The following NR6A1 variants were observed in gnomAD, a reference collection of about 807,000 sequenced individuals.
The protein encoded by NR6A1 is nuclear receptor subfamily 6 group A member 1.
A neutral mutation model predicts 59.1 loss-of-function variants in NR6A1; 7 were observed. That is an observed-to-expected ratio of 0.12 (90% confidence interval 0.07 to 0.22). The LOEUF is 0.22. Ranked by LOEUF, NR6A1 falls within the 10% of genes least tolerant of loss-of-function variation. The probability of loss-of-function intolerance (pLI) is 1.00; values close to 1 mark genes in which losing one functional copy is unlikely to be tolerated. For synonymous variants in NR6A1, 243 were observed against 236.1 expected (o/e 1.03, Z -0.27); for missense variants, 468 against 611.6 (o/e 0.77, Z 2.48).
intron 2 of NR6A1, among the ~76,000 whole-genome samples, chr9:124,652,533 A>G (rs1837136383): frequency 6.6e-6 from 1 of 152,194 alleles, no homozygotes. Flanking sequence ...CATGGCTCAT[A>G]GCAGACAACA....
intron 7 of NR6A1, among the ~76,000 whole-genome samples, chr9:124,535,241 A>G (rs116267432): frequency 1.3e-4 from 20 of 152,194 alleles, no homozygotes; most frequent in African/African-American, 4.8e-4. Context: ...GGCAGAATTT[A>G]TATTTTTATT....
At chr9:124,695,540 T>G (rs1374141098) in intron 2 of NR6A1, among the ~76,000 whole-genome samples, 1 of 152,098 alleles carries the variant, frequency 6.6e-6, no homozygotes, top group Admixed American at 6.5e-5. Flanking sequence ...ATTTTTGTGT[T>G]TTTAGAAGAA....
At chr9:124,700,006 G>A (rs1351031899) in intron 2 of NR6A1, among the ~76,000 whole-genome samples, 3 of 151,784 alleles carry the variant, frequency 2.0e-5, no homozygotes, top group Non-Finnish European at 2.9e-5. Context: ...ACAGGCATGC[G>A]CCACCACACC....
At chr9:124,675,623 T>C (rs1837931100) in intron 2 of NR6A1, among the ~76,000 whole-genome samples, 1 of 152,238 alleles carries the variant, frequency 6.6e-6, no homozygotes, top group South Asian at 2.1e-4. Context: ...CTCTTCTGCA[T>C]GCCTGCTGAT....
chr9:124,549,909 A>G (rs1239875372), intron 3 of NR6A1, among the ~76,000 whole-genome samples: 2 of 152,232 alleles, frequency 1.3e-5, no homozygotes, highest in East Asian at 3.8e-4. Flanking sequence ...AACACAATCC[A>G]GGGGCCCACA....
intron 2 of NR6A1, among the ~76,000 whole-genome samples, chr9:124,694,513 C>T (rs1169018671): frequency 6.6e-6 from 1 of 152,134 alleles, no homozygotes; most frequent in African/African-American, 2.4e-5. Context: ...TTCATTCTAA[C>T]CTTTGCAAAC....
intron 2 of NR6A1, among the ~76,000 whole-genome samples, chr9:124,676,692 T>C (rs1416707795): frequency 6.6e-6 from 1 of 152,212 alleles, no homozygotes; most frequent in Non-Finnish European, 1.5e-5. Flanking sequence ...AATCAGTTTA[T>C]AGAGTGATGA....
chr9:124,531,270 G>A (rs1833090073), intron 7 of NR6A1, among the ~76,000 whole-genome samples: 1 of 152,198 alleles, frequency 6.6e-6, no homozygotes, highest in South Asian at 2.1e-4. Flanking sequence ...CTTGATTAGG[G>A]CCAGGAGCAG....
intron 2 of NR6A1, among the ~76,000 whole-genome samples, chr9:124,691,680 A>G (rs957357069): frequency 6.6e-6 from 1 of 152,190 alleles, no homozygotes; most frequent in Non-Finnish European, 1.5e-5. Flanking sequence ...CAAGCTTTAC[A>G]TTAGGTGGTG....
intron 2 of NR6A1, among the ~76,000 whole-genome samples, chr9:124,671,658 A>T (rs1390269346): frequency 6.6e-6 from 1 of 152,208 alleles, no homozygotes; most frequent in Non-Finnish European, 1.5e-5. Flanking sequence ...TACACAGGAA[A>T]ATATAAATAT....
At chr9:124,526,987 A>T (rs1832956920) in intron 7 of NR6A1, 87 bp from the exon 8 acceptor site, 35 of 1,520,168 alleles carry the variant, frequency 2.3e-5, no homozygotes, top group Non-Finnish European at 2.9e-5. Flanking sequence ...ACAGCTCCTT[A>T]AACAGGCTGA....
intron 2 of NR6A1, among the ~76,000 whole-genome samples, chr9:124,571,282 A>AG (rs1311185097): frequency 6.6e-6 from 1 of 152,170 alleles, no homozygotes; most frequent in Non-Finnish European, 1.5e-5. Context: ...GTGGGAGATG[A>AG]GGAGAGCCAC....
At chr9:124,594,400 A>T (rs1835213538) in intron 2 of NR6A1, among the ~76,000 whole-genome samples, 2 of 152,180 alleles carry the variant, frequency 1.3e-5, no homozygotes, top group South Asian at 4.1e-4. Context: ...TAAGAGACTC[A>T]AGCTCGTCGA....
At chr9:124,536,493 T>C (rs1187582011) in intron 6 of NR6A1, among the ~76,000 whole-genome samples, 3 of 152,022 alleles carry the variant, frequency 2.0e-5, no homozygotes, top group African/African-American at 7.2e-5. Context: ...ACCCCATCTC[T>C]ACTAAAAATA....
At chr9:124,666,315 G>A (rs1277913756) in intron 2 of NR6A1, among the ~76,000 whole-genome samples, 1 of 79,700 alleles carries the variant, frequency 1.3e-5, no homozygotes, top group African/African-American at 5.3e-5. Context: ...GTCTCACTTT[G>A]TTGCCCAGGC....
rs145770307 is a variant in NR6A1, at chr9:124,557,877, T to C, written c.143-3307A>G. ...CTTATTAGAATAGACTTAAAAACAGTTATAATGAATATATCCACAAGGACA... is the reference window on the plus strand; with the variant it reads ...CTTATTAGAATAGACTTAAAAACAGCTATAATGAATATATCCACAAGGACA... On this transcript the variant is annotated intron_variant, in intron 2 of 9. Coordinates refer to ENST00000487099, the MANE Select transcript of NR6A1 (RefSeq NM_033334.4). Among the ~76,000 whole-genome samples, 202 of 152,268 alleles carry C rather than the reference T, an allele frequency of 1.3e-3. 2 individuals are homozygous for C. The highest frequency in any genetic ancestry group is 4.4e-3 in the African/African-American group (181 of 41,560).
intron 2 of NR6A1, among the ~76,000 whole-genome samples, chr9:124,573,825 T>C (rs1269303026): frequency 6.6e-6 from 1 of 152,212 alleles, no homozygotes; most frequent in African/African-American, 2.4e-5. Flanking sequence ...CCGTAACATA[T>C]ATACATATGA....
intron 2 of NR6A1, among the ~76,000 whole-genome samples, chr9:124,720,420 C>T (rs1378513694): frequency 6.6e-6 from 1 of 152,166 alleles, no homozygotes; most frequent in African/African-American, 2.4e-5. Flanking sequence ...AAACAAAATA[C>T]ATCTATAGGG....
chr9:124,532,754 A>T (rs933996369), intron 7 of NR6A1, among the ~76,000 whole-genome samples: 2 of 152,260 alleles, frequency 1.3e-5, no homozygotes, highest in Non-Finnish European at 2.9e-5. Flanking sequence ...ATGTGATGAT[A>T]AAAATGATCT....
Sources: gnomAD v4.1 joint callset for allele counts (sites outside exome capture counted in the v4.1 genomes callset) on GRCh38, gnomAD v4.1.1 for gene constraint, MANE v1.5 for transcripts, NCBI Gene and HGNC (gene_info 2026-07-23, HGNC 2026-07-21) for gene names.